PDE1A: variants seen among roughly 807,000 people sequenced by gnomAD.
PDE1A encodes the protein dual specificity calcium/calmodulin-dependent 3',5'-cyclic nucleotide phosphodiesterase 1A.
In PDE1A, 35 loss-of-function variants were observed where a neutral mutation model predicts 61.7. The ratio of observed to expected loss-of-function variants is 0.57; its 90% CI spans 0.43 to 0.75. PDE1A has a LOEUF of 0.75. Among genes scored for constraint, PDE1A ranks in the 30% least tolerant of loss-of-function variants. PDE1A has a pLI of 0.00. For synonymous variants in PDE1A, 232 were observed against 213.2 expected (o/e 1.09, Z -0.77); for missense variants, 597 against 630.6 (o/e 0.95, Z 0.57).
At chr2:182,208,470 C>A (rs1687301273) in intron 7 of PDE1A, among the ~76,000 whole-genome samples, 1 of 152,190 alleles carries the variant, frequency 6.6e-6, no homozygotes, top group Non-Finnish European at 1.5e-5. Flanking sequence ...TACCTCCCAA[C>A]AGGTCCCTCC....
the PDE1A span, among the ~76,000 whole-genome samples, chr2:182,604,263 TTAGA>T: frequency 1.3e-5 from 2 of 152,208 alleles, no homozygotes; most frequent in Non-Finnish European, 2.9e-5. Context: ...AGAGCAGTGC[TTAGA>T]TAACCTGTCT....
At chr2:182,226,086 A>T (rs1436667097) in intron 6 of PDE1A, among the ~76,000 whole-genome samples, 1 of 149,708 alleles carries the variant, frequency 6.7e-6, no homozygotes, top group Non-Finnish European at 1.5e-5. Context: ...TGTTTTATTA[A>T]AGAAAATGGA....
rs566640394 is a variant in PDE1A at position 182,399,196 on chromosome 2, TA to T, written c.53+27381del. On this transcript the variant is annotated intron_variant, in intron 1 of 13. Coordinates refer to ENST00000351439, the Ensembl canonical transcript of PDE1A. The stretch of plus-strand genomic sequence containing the variant: ...CTCATTTCTTAGTATTTTTAACCCA[TA>T]TTTTTTTCTTCACTAATATAGTTTA... Among the ~76,000 whole-genome samples the T allele has an allele frequency of 3.3e-5, 5 of 152,132 alleles. No individual in the cohort carries two copies. In the South Asian group the frequency reaches 6.2e-4, roughly 19 times the overall value.
intron 13 of PDE1A, among the ~76,000 whole-genome samples, chr2:182,181,814 T>C (rs1401521801): frequency 6.6e-6 from 1 of 152,138 alleles, no homozygotes; most frequent in Non-Finnish European, 1.5e-5. Context: ...CACAGCCGCT[T>C]TGCTGTGTTG....
the PDE1A span, among the ~76,000 whole-genome samples, chr2:182,619,737 T>C: frequency 6.6e-6 from 1 of 152,192 alleles, no homozygotes; most frequent in African/African-American, 2.4e-5. Context: ...TGAGTTTTCA[T>C]GGTGTCAGTC....
intron 1 of PDE1A, among the ~76,000 whole-genome samples, chr2:182,351,465 C>A (rs904800089): frequency 6.6e-6 from 1 of 152,026 alleles, no homozygotes; most frequent in African/African-American, 2.4e-5. Context: ...TCTTTTAGGA[C>A]CTGATTATCA....
At chr2:182,524,367 G>GTCT (rs1690730474), upstream of PDE1A, among the ~76,000 whole-genome samples, 1 of 152,188 alleles carries the variant, frequency 6.6e-6, no homozygotes, top group South Asian at 2.1e-4. Flanking sequence ...GACATGAAAT[G>GTCT]TCAAGACCTC....
chr2:182,413,692 T>C (rs555281689), intron 1 of PDE1A, among the ~76,000 whole-genome samples: 1 of 152,324 alleles, frequency 6.6e-6, no homozygotes, highest in African/African-American at 2.4e-5. Context: ...ACAAAGAAAG[T>C]TCCACTGTCA....
rs559031795 is a variant in PDE1A at position 182,198,700 on chromosome 2, G to C, written c.1125+2739C>G. ...ATGATATGCACTATCTTACTAAATT[G>C]CTGGATTTGATTTGCTAAAAATTTT... is the stretch of plus-strand genomic sequence containing the variant. On this transcript the variant is annotated intron_variant, in intron 10 of 13. Transcript: ENST00000351439. Among the ~76,000 whole-genome samples the C allele has an allele frequency of 2.6e-5, 4 of 151,310 alleles. No homozygotes were observed. In the South Asian group the frequency reaches 6.3e-4, roughly 24 times the overall value.
At chr2:182,663,721 G>A in the PDE1A span, among the ~76,000 whole-genome samples, 1 of 151,864 alleles carries the variant, frequency 6.6e-6, no homozygotes, top group African/African-American at 2.4e-5. Flanking sequence ...TAACTAATGA[G>A]TACCAGGCTT....
chr2:182,210,491 A>AATT (rs1687492046), intron 7 of PDE1A, among the ~76,000 whole-genome samples: 1 of 152,044 alleles, frequency 6.6e-6, no homozygotes, highest in South Asian at 2.1e-4. Context: ...TTCATTTTTA[A>AATT]ATTAGGTTGT....
intron 2 of PDE1A, among the ~76,000 whole-genome samples, chr2:182,516,831 A>AGGGAGGGAGGG (rs1690219831): frequency 9.5e-6 from 1 of 105,592 alleles, no homozygotes; most frequent in African/African-American, 4.3e-5. Flanking sequence ...GGAAGGAAGG[A>AGGGAGGGAGGG]AGGGAGGGAG....
chr2:182,632,628 T>C, the PDE1A span, among the ~76,000 whole-genome samples: 1,360 of 152,282 alleles, frequency 8.9e-3, 9 homozygotes, highest in South Asian at 0.023. Context: ...TCTAGACTTA[T>C]GAAAATGTCC....
chr2:182,201,386 A>T, intron 10 of PDE1A, 53 bp downstream of exon 10: 2 of 1,603,628 alleles, frequency 1.2e-6, no homozygotes, highest in Non-Finnish European at 8.5e-7. Flanking sequence ...GTGTACGCTA[A>T]TATGCACAGT....
chr2:182,545,739 A>T, the PDE1A span, among the ~76,000 whole-genome samples: 6 of 152,166 alleles, frequency 3.9e-5, no homozygotes, highest in African/African-American at 1.4e-4. Flanking sequence ...ATACTGACTG[A>T]CTTCTGCAGC....
chr2:182,284,391 G>T (rs1000216306), intron 1 of PDE1A, among the ~76,000 whole-genome samples: 19 of 152,050 alleles, frequency 1.2e-4, no homozygotes, highest in Non-Finnish European at 1.5e-5. Flanking sequence ...TTAATAAGAT[G>T]ACTGATAATT....
intron 1 of PDE1A, among the ~76,000 whole-genome samples, chr2:182,344,955 AAC>A (rs1285127644): frequency 6.6e-6 from 1 of 152,156 alleles, no homozygotes; most frequent in Non-Finnish European, 1.5e-5. Flanking sequence ...CCTCAGAGAA[AAC>A]ACCCCGATTC....
the PDE1A span, among the ~76,000 whole-genome samples, chr2:182,673,082 G>C: frequency 6.6e-6 from 1 of 152,230 alleles, no homozygotes; most frequent in South Asian, 2.1e-4. Context: ...ACAGAAAAAG[G>C]GTCCTCACAT....
At chr2:182,421,849 G>T (rs548487983) in intron 1 of PDE1A, among the ~76,000 whole-genome samples, 4 of 152,082 alleles carry the variant, frequency 2.6e-5, no homozygotes, top group Non-Finnish European at 5.9e-5. Context: ...ACAGCAATAG[G>T]TATTAACCAT....
Sources: allele counts gnomAD v4.1 joint callset (sites outside exome capture counted in the v4.1 genomes callset), GRCh38; gene constraint gnomAD v4.1.1; transcripts MANE v1.5; gene names NCBI Gene and HGNC (gene_info 2026-07-23, HGNC 2026-07-21).